Variants in ARHGEF28 observed in about 807,000 individuals in gnomAD.
ARHGEF28 encodes the protein Rho guanine nucleotide exchange factor 28, also known as 190 kDa guanine nucleotide exchange factor.
Under a neutral mutation model 206.6 loss-of-function variants are expected in ARHGEF28, and 152 were observed. The observed-to-expected ratio is 0.74, with a 90% CI of 0.64 to 0.84. The LOEUF (loss-of-function observed/expected upper bound fraction) is 0.84, where lower values mean the gene tolerates loss of function less well. Ranked by LOEUF, ARHGEF28 falls within the 40% of genes least tolerant of loss-of-function variation. The pLI, the probability that ARHGEF28 is intolerant of heterozygous loss-of-function variation, is 0.00. For synonymous variants in ARHGEF28, 763 were observed against 776.4 expected (o/e 0.98, Z 0.29); for missense variants, 2,028 against 2,073.2 (o/e 0.98, Z 0.42).
chr5:73,841,908 A>G (rs1758014343), intron 11 of ARHGEF28, among the ~76,000 whole-genome samples: 1 of 152,076 alleles, frequency 6.6e-6, no homozygotes, highest in Non-Finnish European at 1.5e-5. Context: ...GTTTTATTTA[A>G]CATATGTTTG....
chr5:73,854,608 A>G (rs962972557), intron 14 of ARHGEF28, among the ~76,000 whole-genome samples: 1 of 152,020 alleles, frequency 6.6e-6, no homozygotes, highest in Non-Finnish European at 1.5e-5. Flanking sequence ...AGGCGGGCGG[A>G]TCATCTGAGG....
intron 33 of ARHGEF28, among the ~76,000 whole-genome samples, chr5:73,906,587 T>G (rs1383914080): frequency 1.3e-5 from 2 of 152,248 alleles, no homozygotes; most frequent in Admixed American, 6.5e-5. Flanking sequence ...TTTCATTATA[T>G]TTTTGAAATA....
intron 35 of ARHGEF28, among the ~76,000 whole-genome samples, chr5:73,928,432 A>G (rs1315227822): frequency 1.3e-5 from 2 of 152,120 alleles, no homozygotes; most frequent in African/African-American, 4.8e-5. Flanking sequence ...CAACAACAGC[A>G]AAAAAATTAA....
intron 2 of ARHGEF28, among the ~76,000 whole-genome samples, chr5:73,736,382 C>T (rs1407477391): frequency 1.3e-5 from 2 of 152,178 alleles, no homozygotes; most frequent in South Asian, 2.1e-4. Flanking sequence ...CTTCCTGACC[C>T]TCCAGATCAC....
chr5:73,763,653 G>A (rs1752733297), intron 4 of ARHGEF28, among the ~76,000 whole-genome samples: 1 of 152,226 alleles, frequency 6.6e-6, no homozygotes, highest in Admixed American at 6.5e-5. Flanking sequence ...TCTTGCAGAA[G>A]AGTGCCTGCA....
In ARHGEF28 at chr5:73,835,874, A is replaced by G. The variant is rs114543771; in HGVS notation, c.1146+3415A>G. ...TAGTGCCAGAATTGAATTGAACTGA[A>G]TTAGAGGAAATTCAGTGGTGGATTG... On this transcript the variant is annotated intron_variant, in intron 10 of 35. Transcript: ENST00000513042. Among the ~76,000 whole-genome samples the G allele has an allele frequency of 2.5e-3, 381 of 152,226 alleles. 1 individual carries two copies. Among genetic ancestry groups the G allele is most frequent in the African/African-American group, 8.8e-3 (367 of 41,536 alleles).
chr5:73,774,084 G>T (rs1385012013), intron 5 of ARHGEF28, 46 bp downstream of exon 5: 4 of 1,485,256 alleles, frequency 2.7e-6, no homozygotes, highest in Admixed American at 5.0e-5. Context: ...GTATAAAGTC[G>T]GCCAAGCATT....
At chr5:73,695,201 C>G (rs115495686) in intron 2 of ARHGEF28, among the ~76,000 whole-genome samples, 1,740 of 152,218 alleles carry the variant, frequency 0.011, 36 homozygotes, top group African/African-American at 0.04. Flanking sequence ...AGGTCATGCC[C>G]ATAGGTTGGT....
chr5:73,918,020 C>T (rs1187484182), intron 35 of ARHGEF28, among the ~76,000 whole-genome samples: 2 of 152,162 alleles, frequency 1.3e-5, no homozygotes, highest in East Asian at 3.9e-4. Flanking sequence ...AAGGAAGCAT[C>T]ACTCTCTCCA....
intron 2 of ARHGEF28, among the ~76,000 whole-genome samples, chr5:73,738,651 G>A (rs1421565737): frequency 6.6e-6 from 1 of 152,098 alleles, no homozygotes; most frequent in East Asian, 1.9e-4. Context: ...CAAAGGAGAG[G>A]GACTGCCTGT....
intron 9 of ARHGEF28, among the ~76,000 whole-genome samples, chr5:73,797,625 C>G (rs1301667564): frequency 6.6e-6 from 1 of 152,134 alleles, no homozygotes; most frequent in Non-Finnish European, 1.5e-5. Context: ...CTCAAGTGAT[C>G]TGCCAGCCTC....
intron 34 of ARHGEF28, among the ~76,000 whole-genome samples, chr5:73,910,980 A>C (rs1023370670): frequency 2.0e-5 from 3 of 152,194 alleles, no homozygotes; most frequent in Non-Finnish European, 4.4e-5. Context: ...TTTTTTATTT[A>C]GCAAAAGTAA....
chr5:73,735,001 T>C (rs965006162), intron 2 of ARHGEF28, among the ~76,000 whole-genome samples: 1 of 152,078 alleles, frequency 6.6e-6, no homozygotes, highest in Admixed American at 6.5e-5. Context: ...CTAAACAAAA[T>C]ATCCTCTTCT....
At chr5:73,853,961 A>G (rs1311514791) in intron 14 of ARHGEF28, among the ~76,000 whole-genome samples, 1 of 152,212 alleles carries the variant, frequency 6.6e-6, no homozygotes, top group Non-Finnish European at 1.5e-5. Context: ...AGCCTATAAA[A>G]TATTTTCACT....
chr5:73,813,277 C>G (rs576346482), intron 9 of ARHGEF28, among the ~76,000 whole-genome samples: 2 of 152,278 alleles, frequency 1.3e-5, no homozygotes, highest in African/African-American at 4.8e-5. Context: ...GTTAATGATT[C>G]ATTTGCTCCC....
At chr5:73,727,841 G>C (rs953107085) in intron 2 of ARHGEF28, among the ~76,000 whole-genome samples, 1 of 152,112 alleles carries the variant, frequency 6.6e-6, no homozygotes, top group Non-Finnish European at 1.5e-5. Context: ...CCAATGCAGA[G>C]GACCATGGGG....
chr5:73,792,046 T>C (rs1395311341), intron 7 of ARHGEF28, among the ~76,000 whole-genome samples: 1 of 152,206 alleles, frequency 6.6e-6, no homozygotes, highest in African/African-American at 2.4e-5. Flanking sequence ...TTAGAATGAA[T>C]GCCAAATTCT....
chr5:73,705,435 C>T lies in ARHGEF28; in HGVS notation c.33+20551C>T, dbSNP rs1748874155. Among the ~76,000 whole-genome samples the T allele has an allele frequency of 2.0e-5, 3 of 152,300 alleles. No homozygotes were observed. The South Asian group carries it at 6.2e-4, about 32-fold the overall frequency. ...CCACCTACTGTCTTTCTCTTTCTGGCTGTTTTTCTTTTTAAACTATGTGAC... is the reference window on the plus strand; with the variant it reads ...CCACCTACTGTCTTTCTCTTTCTGGTTGTTTTTCTTTTTAAACTATGTGAC... On this transcript the variant is annotated intron_variant, in intron 2 of 35. Transcript: ENST00000513042.
chr5:73,845,172 A>C (rs1171154371), intron 11 of ARHGEF28, among the ~76,000 whole-genome samples: 1 of 151,852 alleles, frequency 6.6e-6, no homozygotes, highest in Non-Finnish European at 1.5e-5. Context: ...TGCCTGCCAC[A>C]ACAGCCGGCT....
Sources: allele counts gnomAD v4.1 joint callset (sites outside exome capture counted in the v4.1 genomes callset), GRCh38; gene constraint gnomAD v4.1.1; transcripts MANE v1.5; gene names NCBI Gene and HGNC (gene_info 2026-07-23, HGNC 2026-07-21).